ATP13A4: variants seen among roughly 807,000 people sequenced by gnomAD.
The protein encoded by ATP13A4 is ATPase 13A4, also known as probable cation-transporting ATPase 13A4.
ATP13A4 carries 114 observed loss-of-function variants against 142.5 expected under a neutral mutation model. The ratio of observed to expected loss-of-function variants is 0.80; its 90% CI spans 0.69 to 0.93. ATP13A4 has a LOEUF of 0.93. ATP13A4 is among the 40% of genes least tolerant of loss of function. ATP13A4 has a pLI of 0.00. For missense variants in ATP13A4, 1,392 were observed against 1,454.0 expected, an observed-to-expected ratio of 0.96 and a Z score of 0.69; for synonymous variants, 488 against 514.8, an observed-to-expected ratio of 0.95 and a Z score of 0.70.
At position 193,457,006 on chromosome 3, in the gene ATP13A4, C is replaced by T. The variant is rs1183653621; in HGVS notation, c.1909G>A (p.Glu637Lys). The T allele has an allele frequency of 5.6e-6, 9 of 1,612,748 alleles. No homozygotes were observed. Among genetic ancestry groups the T allele is most frequent in the Non-Finnish European group, 5.9e-6 (7 of 1,179,490 alleles). ...TCCAAGTCAAGTTACAGACCTGTCT[C>T]AGGTTGGCAAAAGCTGGCCACCCTC... ...PERVASFCQPETVPTSFVSEL... is the reference protein window; with the variant it reads ...PERVASFCQPKTVPTSFVSEL... The change falls in exon 16 of 30, where the codon GAG (glutamate) becomes AAG (lysine). Residue 637 changes from glutamate to lysine, a missense_variant. Glu to Lys is a moderately conservative substitution (Grantham distance 56, BLOSUM62 1). Coordinates refer to ENST00000342695, the MANE Select transcript of ATP13A4 (RefSeq NM_032279.4).
rs557823296 is a variant in ATP13A4 at position 193,431,436 on chromosome 3, T to A, written c.2842+2409A>T. Among the ~76,000 whole-genome samples the A allele has an allele frequency of 2.0e-5, 3 of 152,134 alleles. No individual in the cohort carries two copies. In the South Asian group the frequency reaches 6.2e-4, roughly 32 times the overall value. The stretch of plus-strand genomic sequence containing the variant: ...GGGATTCATCAGCAGATAGATAATA[T>A]TAAAGTCATGGGGCTGGTTGAGATT... On this transcript the variant is annotated intron_variant, in intron 25 of 29. Transcript: ENST00000342695.
intron 1 of ATP13A4, among the ~76,000 whole-genome samples, chr3:193,552,091 A>G (rs2108729580): frequency 6.6e-6 from 1 of 152,256 alleles, no homozygotes; most frequent in African/African-American, 2.4e-5. Flanking sequence ...CTCCTGCCTC[A>G]GCCTCCCAAG....
chr3:193,420,495 G>A (rs2087491), intron 25 of ATP13A4, among the ~76,000 whole-genome samples: 107,317 of 148,896 alleles, frequency 0.72, 40,296 homozygotes, highest in Non-Finnish European at 0.76. Flanking sequence ...AAAGAAACAC[G>A]ATAATTCTCC....
rs79092652 is a variant in ATP13A4, at chr3:193,515,559, A to G, written c.61-688T>C. ...ACAAACAATTTTATGTCAAGAGGAA[A>G]ACACCATAGGGACTATTTGGTTTAC... On this transcript the variant is annotated intron_variant, in intron 1 of 29. Transcript: ENST00000342695. 5.5e-3 allele frequency among the ~76,000 whole-genome samples: 836 copies of G among 152,204 alleles called. 15 individuals carry two copies. In the East Asian group the frequency reaches 0.07, roughly 13 times the overall value.
At chr3:193,438,730 A>AG (rs1716449949) in intron 22 of ATP13A4, 146 bp from the exon 23 acceptor site, 1 of 769,574 alleles carries the variant, frequency 1.3e-6, no homozygotes, top group African/African-American at 1.7e-5. Flanking sequence ...CTGGAACATG[A>AG]GAAAAAGATG....
rs539681347 is a variant in ATP13A4 at position 193,451,390 on chromosome 3, A to G, written c.2027+2711T>C. 2.6e-5 allele frequency among the ~76,000 whole-genome samples: 4 copies of G among 152,344 alleles called. No homozygotes were observed. The East Asian group carries it at 5.8e-4, about 22-fold the overall frequency. On this transcript the variant is annotated intron_variant, in intron 17 of 29. Coordinates refer to ENST00000342695, the MANE Select transcript of ATP13A4 (RefSeq NM_032279.4). ...ATGGCCTTTGTATGGTTCAAGGCAC[A>G]ATAATCAGGAGGCTGGAGTTCTAAT...
chr3:193,475,899 G>C (rs1381544724), intron 8 of ATP13A4, among the ~76,000 whole-genome samples: 1 of 151,988 alleles, frequency 6.6e-6, no homozygotes, highest in Non-Finnish European at 1.5e-5. Context: ...GAGTGCATTA[G>C]TTTGTCACTC....
At position 193,431,745 on chromosome 3, in the gene ATP13A4, CAT is replaced by C. The variant is rs555518734; in HGVS notation, c.2842+2098_2842+2099del. Reference sequence around the variant, plus strand: ...TTCTATATATATTTATATATACACACATATATATGTTTCCCATATATATATAT... The same window carrying C: ...TTCTATATATATTTATATATACACACATATATGTTTCCCATATATATATAT... On this transcript the variant is annotated intron_variant, in intron 25 of 29. Transcript: ENST00000342695. 6.8e-3 allele frequency among the ~76,000 whole-genome samples: 1,024 copies of C among 150,600 alleles called. 15 individuals carry two copies. The highest frequency in any genetic ancestry group is 0.024 in the African/African-American group (971 of 41,042).
intron 23 of ATP13A4, among the ~76,000 whole-genome samples, chr3:193,437,029 G>A (rs1484382088): frequency 3.4e-5 from 5 of 147,710 alleles, no homozygotes; most frequent in African/African-American, 7.8e-5. Context: ...GCGTGAACCC[G>A]GGAGGCGGAG....
rs766427911 is a variant in ATP13A4, at chr3:193,442,413, GT to G, written c.2295del (p.Lys765AsnfsTer31). The G allele has an allele frequency of 6.2e-7, 1 of 1,614,004 alleles. No homozygotes were observed. Among genetic ancestry groups the G allele is most frequent in the African/African-American group, 1.3e-5 (1 of 75,060 alleles). Reference protein sequence around the residue: ...SISWTLVEEKKHIMYGNQDNY... With the variant: ...SISWTLVEEKXHIMYGNQDNY... ...AGTACCTGATTCCCATACATAATGT[GT>G]TTCTTCTCTTCTACTAACGTCCAAG... On this transcript the variant is annotated frameshift_variant, in exon 19 of 30. Transcript: ENST00000342695. LOFTEE classifies it high-confidence loss of function.
At chr3:193,468,677 G>A (rs756298156) in intron 9 of ATP13A4, among the ~76,000 whole-genome samples, 2 of 152,194 alleles carry the variant, frequency 1.3e-5, no homozygotes, top group Non-Finnish European at 2.9e-5. Context: ...AGCCTGGCAG[G>A]TGGAGGTGAA....
At chr3:193,436,638 G>T (rs930185132) in intron 23 of ATP13A4, among the ~76,000 whole-genome samples, 1 of 151,454 alleles carries the variant, frequency 6.6e-6, no homozygotes, top group African/African-American at 2.4e-5. Flanking sequence ...TTTTAATAGA[G>T]ACTGGGTTTC....
chr3:193,554,882 C>T lies in ATP13A4; in HGVS notation c.-83G>A, dbSNP rs1159905767. The T allele has an allele frequency of 2.5e-6, 4 of 1,612,458 alleles. No homozygotes were observed. In the African/African-American group the frequency reaches 5.3e-5, roughly 22 times the overall value. ...ACTCCAACTCGCCGAGCCACCGCAG[C>T]TCCTCAGCTGACTAAAAGAGTTAAT... On this transcript the variant is annotated 5_prime_UTR_variant, in exon 1 of 30. Coordinates refer to ENST00000342695, the MANE Select transcript of ATP13A4 (RefSeq NM_032279.4).
intron 2 of ATP13A4, among the ~76,000 whole-genome samples, chr3:193,514,451 A>G (rs1027852951): frequency 6.6e-6 from 1 of 152,102 alleles, no homozygotes; most frequent in Non-Finnish European, 1.5e-5. Flanking sequence ...CGTGGTGTAC[A>G]TGTACCACAT....
intron 1 of ATP13A4, among the ~76,000 whole-genome samples, chr3:193,533,622 C>T (rs1271619450): frequency 6.6e-6 from 1 of 152,120 alleles, no homozygotes; most frequent in Admixed American, 6.5e-5. Flanking sequence ...GCCAAAAGTC[C>T]AGAAAAGGGG....
chr3:193,440,690 G>A (rs2171847), intron 20 of ATP13A4, 53 bp from the exon 21 acceptor site: 124,944 of 1,566,522 alleles, frequency 0.08, 5,714 homozygotes, highest in Admixed American at 0.16. Context: ...GGTTGTACAT[G>A]AAATAATTAC....
rs1327187838 is a variant in ATP13A4, at chr3:193,461,288, T to A, written c.1523+1474A>T. Reference sequence around the variant, plus strand: ...ATTGAGTTCATTTTAGATGAGCGATTACTGTGCACCTACTATTTGTGCCTA... The same window carrying A: ...ATTGAGTTCATTTTAGATGAGCGATAACTGTGCACCTACTATTTGTGCCTA... On this transcript the variant is annotated intron_variant, in intron 13 of 29. Transcript: ENST00000342695. Among the ~76,000 whole-genome samples, 3 of 152,216 alleles carry A rather than the reference T, an allele frequency of 2.0e-5. No homozygotes were observed. The South Asian group carries it at 6.2e-4, about 31-fold the overall frequency.
chr3:193,428,864 T>A (rs1185316120), intron 25 of ATP13A4, among the ~76,000 whole-genome samples: 1 of 151,536 alleles, frequency 6.6e-6, no homozygotes, highest in African/African-American at 2.4e-5. Flanking sequence ...TGGGGGCAGC[T>A]CACCAACATG....
intron 2 of ATP13A4, among the ~76,000 whole-genome samples, chr3:193,505,039 T>TAAGAATTGCTCAAGCCA (rs1259940285): frequency 6.6e-6 from 1 of 152,160 alleles, no homozygotes; most frequent in Admixed American, 6.6e-5. Flanking sequence ...CCAGCAAGGC[T>TAAGAATTGCTCAAGCCA]AAGAATTGCT....
Sources: gnomAD v4.1 joint callset for allele counts (sites outside exome capture counted in the v4.1 genomes callset) on GRCh38, gnomAD v4.1.1 for gene constraint, MANE v1.5 for transcripts, NCBI Gene and HGNC (gene_info 2026-07-23, HGNC 2026-07-21) for gene names.